SIN3A: variants seen among roughly 807,000 people sequenced by gnomAD.
SIN3A encodes the protein SIN3 transcription regulator family member A.
SIN3A carries 14 observed loss-of-function variants against 146.1 expected under a neutral mutation model. The observed-to-expected ratio is 0.10, with a 90% confidence interval of 0.06 to 0.15. The LOEUF is 0.15. Among genes scored for constraint, SIN3A ranks in the 10% least tolerant of loss-of-function variants. SIN3A has a pLI of 1.00. For synonymous variants in SIN3A, 572 were observed against 572.0 expected, an observed-to-expected ratio of 1.00 and a Z score of 0.00; for missense variants, 1,028 against 1,576.0, an observed-to-expected ratio of 0.65 and a Z score of 5.89.
chr15:75,416,374 G>GTTGCCCA (rs2073737272), intron 3 of SIN3A, among the ~76,000 whole-genome samples: 1 of 152,198 alleles, frequency 6.6e-6, no homozygotes, highest in African/African-American at 2.4e-5. Context: ...TGCCCAGGCT[G>GTTGCCCA]GAGTGCAGTG....
chr15:75,403,544 T>A (rs188448566), intron 9 of SIN3A, among the ~76,000 whole-genome samples: 1 of 151,506 alleles, frequency 6.6e-6, no homozygotes. Context: ...TGCCTCTTTT[T>A]CTTTTTTTTT....
chr15:75,427,097 G>A (rs2073937915), intron 2 of SIN3A, among the ~76,000 whole-genome samples: 1 of 152,096 alleles, frequency 6.6e-6, no homozygotes, highest in African/African-American at 2.4e-5. Context: ...GTGTGGCAGG[G>A]TGCAGTGGCT....
intron 16 of SIN3A, among the ~76,000 whole-genome samples, chr15:75,385,021 C>G (rs899638813): frequency 1.3e-5 from 2 of 152,022 alleles, no homozygotes; most frequent in Non-Finnish European, 2.9e-5. Flanking sequence ...TAAAAATACA[C>G]AAATAGCCGG....
chr15:75,439,139 T>C (rs140255063), intron 1 of SIN3A, among the ~76,000 whole-genome samples: 318 of 152,210 alleles, frequency 2.1e-3, no homozygotes, highest in African/African-American at 7.2e-3. Flanking sequence ...AGGGCACATG[T>C]AGTAATGATG....
chr15:75,435,659 C>A (rs1443497091), intron 1 of SIN3A, among the ~76,000 whole-genome samples: 3 of 148,284 alleles, frequency 2.0e-5, no homozygotes, highest in African/African-American at 7.6e-5. Flanking sequence ...GATGGCGCCA[C>A]TGCACTCCAG....
In SIN3A at chr15:75,369,602, C is replaced by T. The variant is rs1291360601; in HGVS notation, c.*2377G>A. On this transcript the variant is annotated 3_prime_UTR_variant, in exon 21 of 21. Coordinates refer to ENST00000394947, the MANE Select transcript of SIN3A (RefSeq NM_001145358.2). ...AAACCCAGGCTGTAGGTAAAACTTA[C>T]TCTTTTGTTGGTTGCACTGGTGGGT... 1 of 152,148 alleles carries T rather than the reference C, an allele frequency of 6.6e-6. No homozygotes were observed. The highest frequency in any genetic ancestry group is 6.5e-5 in the Admixed American group (1 of 15,284). 9.4% of individuals were successfully genotyped at this position (152,148 alleles called of 1,614,324 possible).
At chr15:75,418,882 G>C (rs1272411745) in intron 3 of SIN3A, among the ~76,000 whole-genome samples, 1 of 152,012 alleles carries the variant, frequency 6.6e-6, no homozygotes, top group Non-Finnish European at 1.5e-5. Context: ...AGCCTCCCAA[G>C]TAGCTGGGAC....
intron 9 of SIN3A, among the ~76,000 whole-genome samples, chr15:75,404,752 TG>T (rs1202334568): frequency 1.4e-5 from 2 of 141,890 alleles, no homozygotes; most frequent in African/African-American, 2.8e-5. Context: ...GGAGTGAGAC[TG>T]TCCCAGAAAA....
At chr15:75,391,822 A>G (rs1319725116) in intron 15 of SIN3A, among the ~76,000 whole-genome samples, 2 of 152,220 alleles carry the variant, frequency 1.3e-5, no homozygotes, top group Non-Finnish European at 2.9e-5. Context: ...CCCACTGGTT[A>G]AACAGAAGTC....
At chr15:75,381,276 A>G (rs1319178073) in intron 18 of SIN3A, among the ~76,000 whole-genome samples, 1 of 152,178 alleles carries the variant, frequency 6.6e-6, no homozygotes, top group Non-Finnish European at 1.5e-5. Flanking sequence ...TCAGTCCAAT[A>G]AAAAGTAAAC....
At chr15:75,387,743 T>C (rs986195237) in intron 16 of SIN3A, among the ~76,000 whole-genome samples, 1 of 152,140 alleles carries the variant, frequency 6.6e-6, no homozygotes. Context: ...ACTTCGTTCC[T>C]AGCTGAAGCA....
At chr15:75,434,507 G>A (rs11072548) in intron 1 of SIN3A, among the ~76,000 whole-genome samples, 6 of 151,976 alleles carry the variant, frequency 3.9e-5, no homozygotes, top group African/African-American at 9.7e-5. Context: ...AAAATTAGCC[G>A]GGTGTGGTTG....
chr15:75,440,379 G>A (rs2074186459), intron 1 of SIN3A, among the ~76,000 whole-genome samples: 1 of 151,422 alleles, frequency 6.6e-6, no homozygotes, highest in Non-Finnish European at 1.5e-5. Context: ...TTACAGGTGT[G>A]TGCCACTACA....
chr15:75,382,287 C>T (rs1036775920), intron 17 of SIN3A, among the ~76,000 whole-genome samples: 3 of 152,206 alleles, frequency 2.0e-5, no homozygotes, highest in Non-Finnish European at 4.4e-5. Flanking sequence ...TTAAAAATTG[C>T]TCTCTGCTAG....
At chr15:75,372,410 T>G in intron 20 of SIN3A, among the ~76,000 whole-genome samples, 1 of 152,066 alleles carries the variant, frequency 6.6e-6, no homozygotes, top group East Asian at 1.9e-4. Flanking sequence ...ATAGAACATG[T>G]GAGGGCATGA....
chr15:75,422,010 T>C (rs1595914745), intron 3 of SIN3A: 2 of 152,388 alleles, frequency 1.3e-5, no homozygotes, highest in South Asian at 4.1e-4. Context: ...GCATGTGTTT[T>C]ACTAAGAATG....
Position 75,392,350 on chromosome 15 carries a change from G to A in SIN3A, c.2743C>T (p.Arg915Trp), listed in dbSNP as rs781339751. Residue 915 changes from arginine (R) to tryptophan (W), a missense_variant, in exon 15 of 21, where the codon CGG becomes TGG. Coordinates refer to ENST00000394947, the MANE Select transcript of SIN3A (RefSeq NM_001145358.2). ...RLLRICSQAE[R>W]QIEEENRERE... ...TCTCGGTTTTCTTCTTCAATTTGCC[G>A]TTCGGCTTGGGAACAAATCCGTAGC... 3.1e-6 allele frequency: 5 copies of A among 1,614,198 alleles called. No individual in the cohort carries two copies. Among genetic ancestry groups the A allele is most frequent in the East Asian group, 2.2e-5 (1 of 44,884 alleles).
intron 12 of SIN3A, among the ~76,000 whole-genome samples, chr15:75,398,925 G>A (rs919020695): frequency 4.0e-5 from 6 of 151,812 alleles, no homozygotes; most frequent in Admixed American, 3.3e-4. Flanking sequence ...TGCATGTGGG[G>A]CTTAAAACCT....
chr15:75,383,719 G>C (rs1347936145), intron 17 of SIN3A, among the ~76,000 whole-genome samples: 1 of 151,968 alleles, frequency 6.6e-6, no homozygotes, highest in Non-Finnish European at 1.5e-5. Flanking sequence ...TAGTAGAGAC[G>C]GGGGCAATCC....
Sources: allele counts gnomAD v4.1 joint callset (sites outside exome capture counted in the v4.1 genomes callset), GRCh38; gene constraint gnomAD v4.1.1; transcripts MANE v1.5; gene names NCBI Gene and HGNC (gene_info 2026-07-23, HGNC 2026-07-21).